PHRF1: variants seen among roughly 807,000 people sequenced by gnomAD.
The protein encoded by PHRF1 is PHD and ring finger domains 1.
In PHRF1, 53 loss-of-function variants were observed where a neutral mutation model predicts 128.9. That is an observed-to-expected ratio of 0.41 (90% CI 0.33 to 0.52). The LOEUF (loss-of-function observed/expected upper bound fraction) is 0.52, where lower values mean the gene tolerates loss of function less well. PHRF1 is among the 20% of genes least tolerant of loss of function. The pLI is 0.21. For missense variants in PHRF1, 2,503 were observed against 2,284.5 expected, an observed-to-expected ratio of 1.10 and a Z score of -1.95; for synonymous variants, 1,178 against 980.6, an observed-to-expected ratio of 1.20 and a Z score of -3.76.
At chr11:586,714 A>T (rs1477376252) in intron 3 of PHRF1, among the ~76,000 whole-genome samples, 2 of 152,206 alleles carry the variant, frequency 1.3e-5, no homozygotes, top group African/African-American at 2.4e-5. Context: ...CGAATTGGCC[A>T]GAACGGTTGT....
intron 6 of PHRF1, among the ~76,000 whole-genome samples, chr11:594,521 A>G (rs1227108698): frequency 6.6e-6 from 1 of 152,190 alleles, no homozygotes; most frequent in Non-Finnish European, 1.5e-5. Context: ...GAGTCACTGC[A>G]ACCTCTGCAG....
At chr11:583,253 T>G (rs369170553) in intron 3 of PHRF1, among the ~76,000 whole-genome samples, 1 of 151,534 alleles carries the variant, frequency 6.6e-6, no homozygotes, top group African/African-American at 2.4e-5. Flanking sequence ...GCAGGAGAAT[T>G]GCTGGAACCC....
chr11:585,258 C>T (rs1196285938), intron 3 of PHRF1, among the ~76,000 whole-genome samples: 3 of 149,118 alleles, frequency 2.0e-5, no homozygotes, highest in Non-Finnish European at 4.5e-5. Context: ...GGTAGTAGCC[C>T]TTTCCAGCTT....
At chr11:596,221 G>A (rs955068450) in intron 6 of PHRF1, among the ~76,000 whole-genome samples, 1 of 152,184 alleles carries the variant, frequency 6.6e-6, no homozygotes, top group Non-Finnish European at 1.5e-5. Flanking sequence ...GAAGTTTCAA[G>A]GATCTTTGCA....
At position 609,719 on chromosome 11, in the gene PHRF1, C is replaced by T. The variant is rs201482450; in HGVS notation, c.4263C>T (p.Pro1421=). The part of the protein sequence containing the change: ...ESSAPAEDRA[P]RAPLHRPQKP... ...GCGCCCCCGCCGAGGACAGAGCCCC[C>T]CGTGAGTAGTGCCCCGGCCCCCACC... Residue 1421 remains proline, a splice_region_variant and synonymous_variant, in exon 14 of 18, where the codon CCC becomes CCT. Coordinates refer to ENST00000264555, the MANE Select transcript of PHRF1 (RefSeq NM_001286581.2). 2.1e-4 allele frequency: 304 copies of T among 1,479,538 alleles called. 2 individuals carry two copies. In the East Asian group the frequency reaches 7.3e-3, roughly 35 times the overall value. The allele number at this position is 1,479,538 out of a possible 1,614,324, so 91.7% of individuals were successfully genotyped here.
chr11:587,414 G>A lies in PHRF1; in HGVS notation c.370G>A (p.Glu124Lys). ...AFRDQAVGTP[E>K]NCAHYFCLDC... Reference sequence around the variant, plus strand: ...CAGAGACCAGGCCGTGGGGACGCCGGAGAACTGTGCCCATTACTTCTGCCT... The same window carrying A: ...CAGAGACCAGGCCGTGGGGACGCCGAAGAACTGTGCCCATTACTTCTGCCT... The change falls in exon 4 of 18, where the codon GAG becomes AAG. Residue 124 changes from glutamate to lysine, a missense_variant. By Grantham distance (56) the Glu-to-Lys change is moderately conservative (BLOSUM62 1). Transcript: ENST00000264555. The A allele has an allele frequency of 1.2e-6, 2 of 1,613,794 alleles. No individual in the cohort carries two copies. The highest frequency in any genetic ancestry group is 1.7e-6 in the Non-Finnish European group (2 of 1,179,902).
intron 4 of PHRF1, among the ~76,000 whole-genome samples, chr11:589,751 TC>T: frequency 6.6e-6 from 1 of 152,234 alleles, no homozygotes; most frequent in African/African-American, 2.4e-5. Context: ...TGAGAGAGTG[TC>T]TGCAAACGGG....
chr11:606,565 C>T lies in PHRF1; in HGVS notation c.1578C>T (p.His526=). The T allele has an allele frequency of 6.2e-7, 1 of 1,608,448 alleles. No individual in the cohort carries two copies. The highest frequency in any genetic ancestry group is 8.5e-7 in the Non-Finnish European group (1 of 1,178,158). Residue 526 remains histidine, a synonymous_variant, in exon 13 of 18, where the codon CAC becomes CAT. Transcript: ENST00000264555. ...TGGGCAGCAGTGATGTCATCATCCA[C>T]CGCGACGGCTCCCTCAGCGCCAAGA... ...LMLGSSDVII[H]RDGSLSAKRA... is the part of the protein sequence containing the mutation.
chr11:611,648 G>A lies in PHRF1; in HGVS notation c.4821G>A (p.Lys1607=), dbSNP rs942027696. The change falls in exon 18 of 18, where the codon AAG becomes AAA. Residue 1607 remains lysine (K), a synonymous_variant. Coordinates refer to ENST00000264555, the MANE Select transcript of PHRF1 (RefSeq NM_001286581.2). ...TCTTTCTCCAGATCTGCCACAGCAA[G>A]AGTGGAGAGATCAACCCCGTGAAGG... ...RKAVQKICHS[K]SGEINPVKVA... is the part of the protein sequence containing the mutation. The A allele has an allele frequency of 6.2e-7, 1 of 1,613,120 alleles. No homozygotes were observed. The highest frequency in any genetic ancestry group is 1.3e-5 in the African/African-American group (1 of 75,082).
In PHRF1 at chr11:608,164, C is replaced by T. The variant is rs1266080400; in HGVS notation, c.2708C>T (p.Ser903Phe). The T allele has an allele frequency of 2.5e-6, 4 of 1,610,760 alleles. No individual in the cohort carries two copies. The highest frequency in any genetic ancestry group is 1.7e-5 in the Admixed American group (1 of 60,000). ...EPPLGPSSAM[S>F]KLRGAVAAEG... ...CCTCTCGGACCGTCCTCCGCCATGT[C>T]CAAGCTCCGGGGTGCAGTGGCTGCC... The change falls in exon 14 of 18, where the codon TCC becomes TTC. Residue 903 changes from serine to phenylalanine, a missense_variant. Coordinates refer to ENST00000264555, the MANE Select transcript of PHRF1 (RefSeq NM_001286581.2).
At position 592,603 on chromosome 11, in the gene PHRF1, G is replaced by A. The variant is rs751344791; in HGVS notation, c.549G>A (p.Pro183=). 5 of 1,613,952 alleles carry A rather than the reference G, an allele frequency of 3.1e-6. No individual in the cohort carries two copies. The African/African-American group carries it at 4.0e-5, about 13-fold the overall frequency. Residue 183 remains proline (P), a synonymous_variant, in exon 6 of 18, where the codon CCG becomes CCA. Coordinates refer to ENST00000264555, the MANE Select transcript of PHRF1 (RefSeq NM_001286581.2). ...AAGCGAGCGAGGAGGAGGAGGACCCGACCTTCTGTGAGGTGTGCGGCAGGA... is the reference window on the plus strand; with the variant it reads ...AAGCGAGCGAGGAGGAGGAGGACCCAACCTTCTGTGAGGTGTGCGGCAGGA... ...NTKASEEEED[P]TFCEVCGRSD...
chr11:601,754 G>T, intron 10 of PHRF1, 53 bp downstream of exon 10: 1 of 1,608,286 alleles, frequency 6.2e-7, no homozygotes, highest in Admixed American at 1.7e-5. Flanking sequence ...GCACCCTCGC[G>T]TGGTTACGGA....
At chr11:587,602 T>A in intron 4 of PHRF1, 138 bp downstream of exon 4, 1 of 867,134 alleles carries the variant, frequency 1.2e-6, no homozygotes, top group Non-Finnish European at 1.8e-6. Flanking sequence ...GGATTGAGTC[T>A]GGCTTGGTCT....
At chr11:583,450 G>C (rs546884083) in intron 3 of PHRF1, among the ~76,000 whole-genome samples, 6 of 151,766 alleles carry the variant, frequency 4.0e-5, no homozygotes, top group Admixed American at 1.3e-4. Flanking sequence ...CCAAGAGGTC[G>C]AGGCTACAGC....
In PHRF1 at chr11:597,308, C is replaced by T; in HGVS notation, c.719-87C>T. On this transcript the variant is annotated intron_variant, in intron 7 of 17. Transcript: ENST00000264555. The surrounding 1 kb of genome is among the most constrained non-coding windows in gnomAD (Gnocchi z 6.5). Reference sequence around the variant, plus strand: ...CACAGGTCAGCCCGAGCCAGGGCTGCTACTTGGCCGGCAGCCACAGGGGGA... The same window carrying T: ...CACAGGTCAGCCCGAGCCAGGGCTGTTACTTGGCCGGCAGCCACAGGGGGA... The T allele has an allele frequency of 5.3e-6, 8 of 1,500,314 alleles. No homozygotes were observed. Among genetic ancestry groups the T allele is most frequent in the Non-Finnish European group, 7.2e-6 (8 of 1,112,508 alleles). The allele number at this position is 1,500,314 out of a possible 1,614,324, so 92.9% of individuals were successfully genotyped here. A position where few individuals can be genotyped will look rare whatever the true frequency, so the allele number is the denominator to read the frequency against.
At chr11:603,725 GTTT>G (rs1855776103) in intron 10 of PHRF1, among the ~76,000 whole-genome samples, 2 of 103,282 alleles carry the variant, frequency 1.9e-5, no homozygotes, top group Non-Finnish European at 1.8e-5. Flanking sequence ...CCATATTTAA[GTTT>G]GTTTTTTTTT....
chr11:578,949 A>G (rs187412799), intron 1 of PHRF1, among the ~76,000 whole-genome samples: 1 of 151,794 alleles, frequency 6.6e-6, no homozygotes, highest in Non-Finnish European at 1.5e-5. Context: ...TGCCAGGTTC[A>G]AGCAATTCTC....
At chr11:605,962 G>C (rs1454375003) in intron 12 of PHRF1, among the ~76,000 whole-genome samples, 1 of 152,130 alleles carries the variant, frequency 6.6e-6, no homozygotes, top group Admixed American at 6.5e-5. Context: ...GCTCCACGAG[G>C]TGGCCCCTCT....
intron 3 of PHRF1, among the ~76,000 whole-genome samples, chr11:586,512 G>A (rs1854572330): frequency 1.3e-5 from 2 of 152,194 alleles, no homozygotes; most frequent in African/African-American, 2.4e-5. Context: ...GAGGGTTTCG[G>A]GCCTAGGAGG....
Sources: gnomAD v4.1 joint callset for allele counts (sites outside exome capture counted in the v4.1 genomes callset) on GRCh38, gnomAD v4.1.1 for gene constraint, Gnocchi (gnomAD v3.1) non-coding constraint, MANE v1.5 for transcripts, NCBI Gene and HGNC (gene_info 2026-07-23, HGNC 2026-07-21) for gene names.